The following ERBB4 variants were observed in gnomAD, a reference collection of about 807,000 sequenced individuals.
ERBB4 encodes receptor tyrosine-protein kinase erbB-4.
ERBB4 carries 42 observed loss-of-function variants against 158.0 expected under a neutral mutation model. That is an observed-to-expected ratio of 0.27 (90% CI 0.21 to 0.34). ERBB4 has a LOEUF of 0.34. Among genes scored for constraint, ERBB4 ranks in the 10% least tolerant of loss-of-function variants. ERBB4 has a pLI of 1.00. For synonymous variants in ERBB4, 583 were observed against 558.7 expected, an observed-to-expected ratio of 1.04 and a Z score of -0.61; for missense variants, 1,333 against 1,624.1, an observed-to-expected ratio of 0.82 and a Z score of 3.08.
intron 1 of ERBB4, among the ~76,000 whole-genome samples, chr2:212,228,262 G>A (rs1268978524): frequency 2.0e-5 from 3 of 152,124 alleles, no homozygotes; most frequent in African/African-American, 7.2e-5. Flanking sequence ...GGGAAAATTA[G>A]AAGAAGATGA....
At chr2:211,967,203 C>A (rs2081331969) in intron 2 of ERBB4, among the ~76,000 whole-genome samples, 1 of 152,000 alleles carries the variant, frequency 6.6e-6, no homozygotes, top group South Asian at 2.1e-4. Context: ...TTTCCTCATT[C>A]AGTAAGTATT....
At chr2:212,459,883 C>A (rs1474044118) in intron 1 of ERBB4, among the ~76,000 whole-genome samples, 1 of 152,082 alleles carries the variant, frequency 6.6e-6, no homozygotes, top group Non-Finnish European at 1.5e-5. Context: ...ACTGGATACC[C>A]ATATGGAAAA....
Position 212,003,198 on chromosome 2 carries a change from A to AAAGG in ERBB4, c.235-55583_235-55582insCCTT, listed in dbSNP as rs1559293613. Among the ~76,000 whole-genome samples, 123 of 58,752 alleles carry AAAGG rather than the reference A, an allele frequency of 2.1e-3. 7 individuals are homozygous for AAAGG. The highest frequency in any genetic ancestry group is 0.013 in the East Asian group (23 of 1,754). The allele number at this position is 58,752 out of a possible 152,430, so 38.5% of individuals were successfully genotyped here. ...GAAAGAAAGAAAGAAAGAAAGAAAG[A>AAAGG]AAGAAAGACAGAAAGAAGGAAGGAA... On this transcript the variant is annotated intron_variant, in intron 2 of 27. Transcript: ENST00000342788.
intron 2 of ERBB4, among the ~76,000 whole-genome samples, chr2:212,036,029 C>T (rs1443938059): frequency 6.6e-6 from 1 of 152,054 alleles, no homozygotes; most frequent in Non-Finnish European, 1.5e-5. Flanking sequence ...TTCTTAATTC[C>T]TCCTGTATTA....
intron 1 of ERBB4, among the ~76,000 whole-genome samples, chr2:212,450,369 C>G (rs2092427224): frequency 6.6e-6 from 1 of 152,024 alleles, no homozygotes; most frequent in Non-Finnish European, 1.5e-5. Flanking sequence ...TCTAAGTGAG[C>G]CCAGTATAAT....
At chr2:211,413,310 ACACACACACACAC>A (rs2063307222) in intron 25 of ERBB4, among the ~76,000 whole-genome samples, 1 of 95,872 alleles carries the variant, frequency 1.0e-5, no homozygotes, top group African/African-American at 5.4e-5. Context: ...TGTCTTAAAA[ACACACACACACAC>A]ACACACACAC....
intron 1 of ERBB4, among the ~76,000 whole-genome samples, chr2:212,503,338 A>G (rs1215925325): frequency 6.6e-6 from 1 of 151,934 alleles, no homozygotes; most frequent in Admixed American, 6.5e-5. Flanking sequence ...AACTTAAAAT[A>G]TATTTCCCTG....
chr2:212,046,427 T>TA (rs1199827697), intron 2 of ERBB4, among the ~76,000 whole-genome samples: 1 of 152,218 alleles, frequency 6.6e-6, no homozygotes, highest in Non-Finnish European at 1.5e-5. Context: ...AGGGAGTATT[T>TA]TGCTGTTTAT....
chr2:211,783,036 T>C (rs960375361), intron 4 of ERBB4, among the ~76,000 whole-genome samples: 2 of 152,204 alleles, frequency 1.3e-5, no homozygotes, highest in East Asian at 3.8e-4. Flanking sequence ...GTGTCCTATT[T>C]TATTTCATTG....
At chr2:211,808,527 A>C (rs999832350) in intron 3 of ERBB4, among the ~76,000 whole-genome samples, 1 of 152,080 alleles carries the variant, frequency 6.6e-6, no homozygotes, top group Non-Finnish European at 1.5e-5. Flanking sequence ...TTTGGTTACT[A>C]TAGCCTTGCA....
At chr2:212,526,013 G>C (rs1344871407) in intron 1 of ERBB4, among the ~76,000 whole-genome samples, 1 of 151,954 alleles carries the variant, frequency 6.6e-6, no homozygotes, top group East Asian at 1.9e-4. Flanking sequence ...TGGAACAATT[G>C]AAATATTTTT....
chr2:211,508,406 C>T (rs553380728), intron 20 of ERBB4, among the ~76,000 whole-genome samples: 41 of 152,196 alleles, frequency 2.7e-4, no homozygotes, highest in African/African-American at 9.4e-4. Context: ...TAGAGAAATG[C>T]AAATAAAAAC....
intron 2 of ERBB4, among the ~76,000 whole-genome samples, chr2:212,010,204 C>T (rs926781714): frequency 2.6e-5 from 4 of 152,110 alleles, no homozygotes; most frequent in African/African-American, 9.7e-5. Flanking sequence ...CCCTCTGCCT[C>T]TCCCACTAGA....
At chr2:211,903,670 A>G (rs535343863) in intron 3 of ERBB4, among the ~76,000 whole-genome samples, 1 of 152,150 alleles carries the variant, frequency 6.6e-6, no homozygotes, top group South Asian at 2.1e-4. Flanking sequence ...AGAAATGCCA[A>G]TATTTAATCC....
chr2:211,685,890 T>C (rs2072545967), intron 12 of ERBB4, among the ~76,000 whole-genome samples: 1 of 152,184 alleles, frequency 6.6e-6, no homozygotes, highest in African/African-American at 2.4e-5. Flanking sequence ...TTATAAATAG[T>C]ATTATAGTTT....
At chr2:211,421,954 G>T in intron 24 of ERBB4, 53 bp downstream of exon 24, 1 of 1,044,476 alleles carries the variant, frequency 9.6e-7, no homozygotes, top group Non-Finnish European at 1.5e-6. Context: ...TACTCATTTT[G>T]CAGTGAGTTT....
chr2:211,918,817 T>C (rs1289855241), intron 3 of ERBB4, among the ~76,000 whole-genome samples: 1 of 152,140 alleles, frequency 6.6e-6, no homozygotes, highest in Non-Finnish European at 1.5e-5. Flanking sequence ...TATTTTTGCC[T>C]GCATCCTTGA....
intron 2 of ERBB4, among the ~76,000 whole-genome samples, chr2:212,025,062 G>A (rs1281889355): frequency 6.6e-6 from 1 of 151,714 alleles, no homozygotes; most frequent in African/African-American, 2.4e-5. Flanking sequence ...CCTAATAAAT[G>A]GCAGCAAATA....
At chr2:211,478,093 C>T (rs1215497482) in intron 20 of ERBB4, among the ~76,000 whole-genome samples, 2 of 152,146 alleles carry the variant, frequency 1.3e-5, no homozygotes, top group African/African-American at 2.4e-5. Flanking sequence ...TCTGCAGGTG[C>T]ACACTCAGCC....
Sources: gnomAD v4.1 joint callset for allele counts (sites outside exome capture counted in the v4.1 genomes callset) on GRCh38, gnomAD v4.1.1 for gene constraint, MANE v1.5 for transcripts, NCBI Gene and HGNC (gene_info 2026-07-23, HGNC 2026-07-21) for gene names.